The following KIF1C variants were observed in gnomAD, a reference collection of about 807,000 sequenced individuals.
KIF1C encodes kinesin family member 1C, also known as kinesin-like protein KIF1C.
KIF1C carries 61 observed loss-of-function variants against 126.5 expected under a neutral mutation model. That is an observed-to-expected ratio of 0.48 (90% CI 0.39 to 0.60). The LOEUF is 0.60. Ranked by LOEUF, KIF1C falls within the 20% of genes least tolerant of loss-of-function variation. The pLI, the probability that KIF1C is intolerant of heterozygous loss-of-function variation, is 0.00. For synonymous variants in KIF1C, 640 were observed against 580.6 expected (o/e 1.10, Z -1.47); for missense variants, 1,315 against 1,489.2 (o/e 0.88, Z 1.93).
At position 5,005,010 on chromosome 17, in the gene KIF1C, C is replaced by T; in HGVS notation, c.1165+10C>T. On this transcript the variant is annotated intron_variant, in intron 13 of 22. Coordinates refer to ENST00000320785, the MANE Select transcript of KIF1C (RefSeq NM_006612.6). ...GCCTCTGCTCTGGAAGGTCGAGGTTCCAGGGAGGGGCAGCTCAGGGATGCC... is the reference window on the plus strand; with the variant it reads ...GCCTCTGCTCTGGAAGGTCGAGGTTTCAGGGAGGGGCAGCTCAGGGATGCC... 1 of 1,614,130 alleles carries T rather than the reference C, an allele frequency of 6.2e-7. No individual in the cohort carries two copies. Among genetic ancestry groups the T allele is most frequent in the Non-Finnish European group, 8.5e-7 (1 of 1,180,004 alleles).
Position 5,020,864 on chromosome 17 carries a change from G to C in KIF1C, c.1996G>C (p.Glu666Gln). The C allele has an allele frequency of 1.3e-6, 2 of 1,580,468 alleles. No individual in the cohort carries two copies. Among genetic ancestry groups the C allele is most frequent in the Non-Finnish European group, 1.7e-6 (2 of 1,162,886 alleles). ...AAAGGAAGAAGCCGATCTTCTGCTGGAGCAGCAGCGACTGGTGAGGGGCAG... is the reference window on the plus strand; with the variant it reads ...AAAGGAAGAAGCCGATCTTCTGCTGCAGCAGCAGCGACTGGTGAGGGGCAG... ...KEKEEADLLL[E>Q]QQRLYADSDS... The change falls in exon 21 of 23, where the codon GAG becomes CAG. Residue 666 changes from glutamate to glutamine, a missense_variant. Glu to Gln is a conservative substitution (Grantham distance 29). Around this residue, in one of 2 missense-constraint regions of KIF1C, gnomAD observed 874 missense variants for 1,053.2 expected, o/e 0.83. Transcript: ENST00000320785. The surrounding 1 kb of genome is among the most constrained non-coding windows in gnomAD (Gnocchi z 5.8).
In KIF1C at chr17:5,000,758, C is replaced by T. The variant is rs1220935332; in HGVS notation, c.107-14C>T. The T allele has an allele frequency of 2.5e-6, 4 of 1,613,586 alleles. No homozygotes were observed. Among genetic ancestry groups the T allele is most frequent in the East Asian group, 2.2e-5 (1 of 44,886 alleles). ...ACCTTGACTTTCCTTCCTTTACCCT[C>T]TCCTGCCCCTCAGCCATCATCAATC... On this transcript the variant is annotated splice_polypyrimidine_tract_variant and intron_variant, in intron 3 of 22. Coordinates refer to ENST00000320785, the MANE Select transcript of KIF1C (RefSeq NM_006612.6).
chr17:5,017,401 G>A (rs1974994825), intron 18 of KIF1C, among the ~76,000 whole-genome samples: 2 of 145,758 alleles, frequency 1.4e-5, no homozygotes, highest in East Asian at 2.1e-4. Flanking sequence ...CCGGGTTCAC[G>A]CCATTCTCCT....
chr17:5,003,826 C>T (rs749655355), intron 9 of KIF1C, 25 bp from the exon 10 acceptor site: 7 of 1,605,406 alleles, frequency 4.4e-6, no homozygotes, highest in Non-Finnish European at 6.0e-6. Flanking sequence ...AGGGTCTCAT[C>T]CCCACATTCC....
intron 16 of KIF1C, among the ~76,000 whole-genome samples, chr17:5,010,746 CA>C (rs920373232): frequency 8.2e-5 from 12 of 145,850 alleles, no homozygotes; most frequent in African/African-American, 1.5e-4. Context: ...GACTCCGTCT[CA>C]AAAAAAAAAA....
chr17:5,014,675 C>A, intron 17 of KIF1C, 68 bp from the exon 18 acceptor site: 2 of 1,101,882 alleles, frequency 1.8e-6, no homozygotes, highest in Non-Finnish European at 2.7e-6. Context: ...GTTGGATAAA[C>A]TGGTGTTCAG....
rs779766462 is a variant in KIF1C, at chr17:5,022,310, C to T, written c.2229C>T (p.Thr743=). Reference sequence around the variant, plus strand: ...AGGGCAAAGACCCCCGCTGGGCCACCATGGCTGACCTGAAGATGCAGGCGG... The same window carrying T: ...AGGGCAAAGACCCCCGCTGGGCCACTATGGCTGACCTGAAGATGCAGGCGG... ...RLQGKDPRWA[T]MADLKMQAVK... is the part of the protein sequence containing the mutation. The change falls in exon 22 of 23, where the codon ACC becomes ACT. Residue 743 remains threonine (T), a synonymous_variant. Transcript: ENST00000320785. This position sits in a 1 kb window ranked among gnomAD's most constrained non-coding sequence, Gnocchi z 4.9. 6.2e-7 allele frequency: 1 copy of T among 1,610,202 alleles called. No homozygotes were observed. Among genetic ancestry groups the T allele is most frequent in the Non-Finnish European group, 8.5e-7 (1 of 1,178,178 alleles).
intron 5 of KIF1C, among the ~76,000 whole-genome samples, 181 bp downstream of exon 5, chr17:5,001,582 A>G (rs546251743): frequency 2.3e-5 from 3 of 128,630 alleles, no homozygotes; most frequent in East Asian, 2.1e-4. Context: ...CTTCGCCCCT[A>G]TCAGAGGCAA....
intron 11 of KIF1C, 84 bp from the exon 12 acceptor site, chr17:5,004,483 G>C: frequency 7.9e-7 from 1 of 1,258,116 alleles, no homozygotes; most frequent in Non-Finnish European, 1.2e-6. Context: ...CTCTGCCTGG[G>C]CAGTGGGCCC....
At position 5,026,630 on chromosome 17, in the gene KIF1C, G is replaced by T. The variant is rs1390500610; in HGVS notation, c.*2479G>T. 1.3e-5 allele frequency: 2 copies of T among 158,350 alleles called. No homozygotes were observed. Among genetic ancestry groups the T allele is most frequent in the African/African-American group, 2.5e-5 (1 of 40,498 alleles). The allele number at this position is 158,350 out of a possible 1,614,324, so 9.8% of individuals were successfully genotyped here. On this transcript the variant is annotated 3_prime_UTR_variant, in exon 23 of 23. Coordinates refer to ENST00000320785, the MANE Select transcript of KIF1C (RefSeq NM_006612.6). ...TTGGGTGTGGTGGTGTGTACCTGTA[G>T]TTCCAGCTACTAGGGAGGTAGGAAG...
rs1269982789 is a variant in KIF1C at position 5,002,455 on chromosome 17, C to T, written c.430-9C>T. ...GTTTTGTTACTTCTCATTTGCTTCTCCCACTCAGGTGAGCTATATGGAGAT... is the reference window on the plus strand; with the variant it reads ...GTTTTGTTACTTCTCATTTGCTTCTTCCACTCAGGTGAGCTATATGGAGAT... On this transcript the variant is annotated splice_polypyrimidine_tract_variant and intron_variant, in intron 6 of 22. Coordinates refer to ENST00000320785, the MANE Select transcript of KIF1C (RefSeq NM_006612.6). The T allele has an allele frequency of 2.6e-6, 4 of 1,566,114 alleles. No homozygotes were observed. The highest frequency in any genetic ancestry group is 2.3e-5 in the South Asian group (2 of 85,800).
intron 17 of KIF1C, chr17:5,014,066 A>G: frequency 3.2e-6 from 1 of 314,400 alleles, no homozygotes; most frequent in Non-Finnish European, 5.9e-6. Flanking sequence ...GGGAGAAGGG[A>G]AACACGGCCT....
At chr17:5,002,698 G>A in intron 7 of KIF1C, 33 bp from the exon 8 acceptor site, 1 of 1,612,926 alleles carries the variant, frequency 6.2e-7, no homozygotes, top group Non-Finnish European at 8.5e-7. Flanking sequence ...AAGGTGAGAG[G>A]CAGGATCCAG....
At chr17:5,006,368 G>A (rs1597848552) in intron 13 of KIF1C, among the ~76,000 whole-genome samples, 1 of 150,706 alleles carries the variant, frequency 6.6e-6, no homozygotes, top group South Asian at 2.1e-4. Context: ...AGACAGTCAC[G>A]CTCTGTCACC....
At chr17:5,018,450 T>G (rs576189055) in intron 18 of KIF1C, among the ~76,000 whole-genome samples, 1 of 151,990 alleles carries the variant, frequency 6.6e-6, no homozygotes, top group South Asian at 2.1e-4. Context: ...GCGGATCACC[T>G]GAGGTCAGGC....
intron 11 of KIF1C, 86 bp downstream of exon 11, chr17:5,004,159 G>C: frequency 1.0e-6 from 1 of 989,600 alleles, no homozygotes; most frequent in South Asian, 1.3e-5. Context: ...TTGCTATGCC[G>C]AGAATCCCAA....
intron 1 of KIF1C, among the ~76,000 whole-genome samples, chr17:4,999,591 CCT>C (rs1974520198): frequency 1.3e-5 from 2 of 152,088 alleles, no homozygotes; most frequent in Admixed American, 1.3e-4. Flanking sequence ...CCCATGTGCC[CCT>C]CTCTCTGAAT....
chr17:5,023,217 C>T lies in KIF1C; in HGVS notation c.2629-251C>T, dbSNP rs1339341751. Among the ~76,000 whole-genome samples the T allele has an allele frequency of 6.6e-6, 1 of 151,946 alleles. No individual in the cohort carries two copies. Among genetic ancestry groups the T allele is most frequent in the Non-Finnish European group, 1.5e-5 (1 of 67,992 alleles). On this transcript the variant is annotated intron_variant, in intron 22 of 22. Coordinates refer to ENST00000320785, the MANE Select transcript of KIF1C (RefSeq NM_006612.6). The surrounding 1 kb of genome is among the most constrained non-coding windows in gnomAD (Gnocchi z 4.2). ...TTGTATTTTAGTAGAGACGGGGTTT[C>T]ACCATGTTGGCCAGGATGGTCTTGA...
chr17:5,024,021 AT>A lies in KIF1C; in HGVS notation c.3183del (p.Gln1063SerfsTer25), dbSNP rs1393738273. On this transcript the variant is annotated frameshift_variant, in exon 23 of 23. Transcript: ENST00000320785. LOFTEE classifies it high-confidence loss of function. ...QHFQPKKHNSYPQPPQPYPAQ... is the reference protein window; with the variant it reads ...QHFQPKKHNSXPQPPQPYPAQ... ...TTCCAGCCCAAAAAGCACAACTCTT[AT>A]CCCCAGCCACCCCAACCCTACCCAG... is the stretch of plus-strand genomic sequence containing the variant. 4 of 1,595,994 alleles carry A rather than the reference AT, an allele frequency of 2.5e-6. No homozygotes were observed. The highest frequency in any genetic ancestry group is 2.3e-5 in the East Asian group (1 of 43,812).
Sources: allele counts gnomAD v4.1 joint callset (sites outside exome capture counted in the v4.1 genomes callset), GRCh38; gene constraint gnomAD v4.1.1; regional missense constraint gnomAD v4.1.1; non-coding constraint Gnocchi (gnomAD v3.1); transcripts MANE v1.5; gene names NCBI Gene and HGNC (gene_info 2026-07-23, HGNC 2026-07-21).